CUEDC1: variants seen among roughly 807,000 people sequenced by gnomAD.
CUEDC1 encodes the protein CUE domain containing 1, also known as CUE domain-containing protein 1.
CUEDC1 carries 30 observed loss-of-function variants against 43.7 expected under a neutral mutation model. The observed-to-expected ratio is 0.69, with a 90% CI of 0.51 to 0.93. CUEDC1 has a LOEUF of 0.93. Ranked by LOEUF, CUEDC1 falls within the 40% of genes least tolerant of loss-of-function variation. The pLI, the probability that CUEDC1 is intolerant of heterozygous loss-of-function variation, is 0.00. For missense variants in CUEDC1, 486 were observed against 549.0 expected, an observed-to-expected ratio of 0.89 and a Z score of 1.15; for synonymous variants, 223 against 223.6, an observed-to-expected ratio of 1.00 and a Z score of 0.02.
intron 1 of CUEDC1, among the ~76,000 whole-genome samples, chr17:57,949,491 T>C (rs1328648750): frequency 7.0e-6 from 1 of 143,096 alleles, no homozygotes; most frequent in Non-Finnish European, 1.5e-5. Flanking sequence ...AGGACACAAA[T>C]CCCACAACCC....
chr17:57,883,845 T>A (rs990910461), intron 2 of CUEDC1, among the ~76,000 whole-genome samples: 3 of 152,176 alleles, frequency 2.0e-5, no homozygotes, highest in Admixed American at 2.0e-4. Flanking sequence ...CCTGGTCTTG[T>A]CCATGGCTGC....
intron 1 of CUEDC1, among the ~76,000 whole-genome samples, chr17:57,934,622 C>T (rs2074843020): frequency 1.4e-5 from 2 of 139,184 alleles, no homozygotes; most frequent in Non-Finnish European, 3.1e-5. Flanking sequence ...GAACCCCTAT[C>T]TTTTTTAAGA....
intron 1 of CUEDC1, among the ~76,000 whole-genome samples, chr17:57,902,198 A>AAAAAAAC (rs1000141383): frequency 7.2e-4 from 110 of 151,798 alleles, no homozygotes; most frequent in Non-Finnish European, 1.3e-3. Flanking sequence ...CCTCAGAAAA[A>AAAAAAAC]AAAAAACAAA....
At chr17:57,953,681 G>C (rs1321224795) in intron 1 of CUEDC1, among the ~76,000 whole-genome samples, 4 of 152,176 alleles carry the variant, frequency 2.6e-5, no homozygotes, top group African/African-American at 4.8e-5. Flanking sequence ...AGGGGCCCAT[G>C]ACTCCAACCT....
intron 1 of CUEDC1, among the ~76,000 whole-genome samples, chr17:57,890,201 CAAGT>C (rs1387041445): frequency 1.3e-5 from 2 of 152,132 alleles, no homozygotes; most frequent in Non-Finnish European, 2.9e-5. Context: ...CAAAAAATGC[CAAGT>C]AAGGCTCACA....
chr17:57,951,238 AAC>A (rs2075004001), intron 1 of CUEDC1, among the ~76,000 whole-genome samples: 1 of 152,100 alleles, frequency 6.6e-6, no homozygotes, highest in Admixed American at 6.5e-5. Flanking sequence ...CGATGTAATG[AAC>A]ACTTCCTCTT....
intron 10 of CUEDC1, among the ~76,000 whole-genome samples, chr17:57,863,857 C>T (rs56208281): frequency 6.6e-6 from 1 of 151,752 alleles, no homozygotes; most frequent in Non-Finnish European, 1.5e-5. Context: ...AAAAATTAGC[C>T]GGGCGGGGTG....
At chr17:57,881,561 A>C (rs2074204618) in intron 2 of CUEDC1, among the ~76,000 whole-genome samples, 2 of 152,164 alleles carry the variant, frequency 1.3e-5, no homozygotes, top group Non-Finnish European at 1.5e-5. Flanking sequence ...TCTGAGGGAT[A>C]GGGCTTTGGG....
At chr17:57,924,581 ACT>A (rs1035534688) in intron 1 of CUEDC1, among the ~76,000 whole-genome samples, 2 of 151,724 alleles carry the variant, frequency 1.3e-5, no homozygotes, top group Admixed American at 1.3e-4. Flanking sequence ...AGGGAATGAG[ACT>A]CTATCGATGC....
At position 57,873,022 on chromosome 17, in the gene CUEDC1, G is replaced by A. The variant is rs2304944; in HGVS notation, c.592-167C>T. Among the ~76,000 whole-genome samples, 753 of 152,344 alleles carry A rather than the reference G, an allele frequency of 4.9e-3. 8 individuals carry two copies. Among genetic ancestry groups the A allele is most frequent in the African/African-American group, 0.016 (680 of 41,574 alleles). ...GTTGCGAGCCAAAATCCAACGGACA[G>A]GTCAGAGCCATTGCTGCAGGGGACA... On this transcript the variant is annotated intron_variant, in intron 4 of 10. Coordinates refer to ENST00000577830, the MANE Select transcript of CUEDC1 (RefSeq NM_001271875.2).
intron 1 of CUEDC1, among the ~76,000 whole-genome samples, chr17:57,931,870 C>T (rs537518964): frequency 6.6e-6 from 1 of 151,748 alleles, no homozygotes; most frequent in Non-Finnish European, 1.5e-5. Flanking sequence ...AAAATCAAAT[C>T]GTATTCTCCC....
chr17:57,915,353 A>G (rs1385638944), intron 1 of CUEDC1, among the ~76,000 whole-genome samples: 1 of 151,964 alleles, frequency 6.6e-6, no homozygotes, highest in African/African-American at 2.4e-5. Flanking sequence ...AGGTCCCCTC[A>G]GGCAACTGGG....
rs1242852234 is a variant in CUEDC1, at chr17:57,862,061, G to A, written c.*1228C>T. 6.6e-6 allele frequency: 1 copy of A among 152,188 alleles called. No homozygotes were observed. The highest frequency in any genetic ancestry group is 1.5e-5 in the Non-Finnish European group (1 of 68,052). 9.4% of individuals were successfully genotyped at this position (152,188 alleles called of 1,614,324 possible). A position where few individuals can be genotyped will look rare whatever the true frequency, so the allele number is the denominator to read the frequency against. On this transcript the variant is annotated 3_prime_UTR_variant, in exon 11 of 11. Coordinates refer to ENST00000577830, the MANE Select transcript of CUEDC1 (RefSeq NM_001271875.2). ...ATCTTGGGGCCACGGAGGCCACCAG[G>A]GCCCGGCCAAGGATCGGATGCCACT...
chr17:57,907,478 A>G (rs1452221237), intron 1 of CUEDC1, among the ~76,000 whole-genome samples: 1 of 152,066 alleles, frequency 6.6e-6, no homozygotes, highest in Non-Finnish European at 1.5e-5. Context: ...AGTGGGGGTA[A>G]GGGATAAGAG....
intron 1 of CUEDC1, among the ~76,000 whole-genome samples, chr17:57,896,767 C>CTTTTTTTTTTTTTTTTTTTTTTTTTTTT (rs747788787): frequency 8.9e-6 from 1 of 112,266 alleles, no homozygotes; most frequent in African/African-American, 3.5e-5. Context: ...TTTCTTCTTT[C>CTTTTTTTTTTTTTTTTTTTTTTTTTTTT]TTTTTTTTTT....
At chr17:57,901,356 T>C (rs1342638554) in intron 1 of CUEDC1, among the ~76,000 whole-genome samples, 2 of 152,240 alleles carry the variant, frequency 1.3e-5, no homozygotes, top group African/African-American at 4.8e-5. Context: ...GCGCACACTG[T>C]AGACACTCAT....
chr17:57,884,681 G>C (rs2074263321), intron 2 of CUEDC1, among the ~76,000 whole-genome samples: 1 of 152,148 alleles, frequency 6.6e-6, no homozygotes, highest in South Asian at 2.1e-4. Flanking sequence ...CTCTTCCTTT[G>C]GGTCTCAGCT....
chr17:57,885,583 GA>G lies in CUEDC1; in HGVS notation c.-20del. 2 of 1,346,264 alleles carry G rather than the reference GA, an allele frequency of 1.5e-6. No homozygotes were observed. Among genetic ancestry groups the G allele is most frequent in the East Asian group, 3.1e-5 (1 of 32,456 alleles). The allele number at this position is 1,346,264 out of a possible 1,614,324, so 83.4% of individuals were successfully genotyped here. On this transcript the variant is annotated 5_prime_UTR_variant, in exon 2 of 11. Transcript: ENST00000577830. ...TGGTCATTTTGCGGAGCCGCTTGGG[GA>G]AAATGTTTCTAGCCGGCCGCAAAGC...
chr17:57,899,518 C>T (rs1056419193), intron 1 of CUEDC1, among the ~76,000 whole-genome samples: 44 of 152,282 alleles, frequency 2.9e-4, no homozygotes, highest in African/African-American at 1.0e-3. Context: ...CACTGGGATT[C>T]GAACCCAGAT....
Sources: gnomAD v4.1 joint callset for allele counts (sites outside exome capture counted in the v4.1 genomes callset) on GRCh38, gnomAD v4.1.1 for gene constraint, MANE v1.5 for transcripts, NCBI Gene and HGNC (gene_info 2026-07-23, HGNC 2026-07-21) for gene names.